STAT4: variants seen among roughly 807,000 people sequenced by gnomAD.
STAT4 encodes the protein signal transducer and activator of transcription 4.
A neutral mutation model predicts 110.5 loss-of-function variants in STAT4; 42 were observed. The observed-to-expected ratio is 0.38, with a 90% CI of 0.30 to 0.49. STAT4 has a LOEUF of 0.49. Among genes scored for constraint, STAT4 ranks in the 20% least tolerant of loss-of-function variants. STAT4 has a pLI of 0.95. For synonymous variants in STAT4, 284 were observed against 302.2 expected (o/e 0.94, Z 0.63); for missense variants, 632 against 887.9 (o/e 0.71, Z 3.66).
intron 3 of STAT4, among the ~76,000 whole-genome samples, chr2:191,136,819 C>T (rs747765449): frequency 1.3e-5 from 2 of 152,030 alleles, no homozygotes; most frequent in Non-Finnish European, 2.9e-5. Flanking sequence ...CCTAAAGAGT[C>T]CACCAAAAAT....
chr2:191,100,251 G>A (rs1698116418), intron 3 of STAT4, among the ~76,000 whole-genome samples: 1 of 152,124 alleles, frequency 6.6e-6, no homozygotes. Context: ...AAGTCTATTT[G>A]AACTATGTGG....
intron 3 of STAT4, among the ~76,000 whole-genome samples, chr2:191,133,678 CT>C (rs1218457274): frequency 6.6e-6 from 1 of 150,590 alleles, no homozygotes; most frequent in East Asian, 1.9e-4. Context: ...TTTTATTTTT[CT>C]TAAGTCATTC....
At chr2:191,048,979 A>G (rs1185682342) in intron 14 of STAT4, among the ~76,000 whole-genome samples, 2 of 151,654 alleles carry the variant, frequency 1.3e-5, no homozygotes, top group African/African-American at 4.8e-5. Flanking sequence ...AAAGAAAAAT[A>G]CCCATTGGAA....
rs963327107 is a variant in STAT4 at position 191,144,057 on chromosome 2, T to C, written c.273+2556A>G. Among the ~76,000 whole-genome samples, 1 of 152,226 alleles carries C rather than the reference T, an allele frequency of 6.6e-6. No individual in the cohort carries two copies. The highest frequency in any genetic ancestry group is 1.5e-5 in the Non-Finnish European group (1 of 68,048). ...GCACAAGAAAGAGCAAGTGTTTTTT[T>C]CAACTCAAATATCTTAATTCACCAA... On this transcript the variant is annotated intron_variant, in intron 3 of 23. Coordinates refer to ENST00000392320, the MANE Select transcript of STAT4 (RefSeq NM_003151.4). This position sits in a 1 kb window ranked among gnomAD's most constrained non-coding sequence, Gnocchi z 4.7.
rs1193228848 is a variant in STAT4 at position 191,058,268 on chromosome 2, G to A, written c.1095-49C>T. 8.0e-6 allele frequency: 12 copies of A among 1,506,350 alleles called. No homozygotes were observed. The highest frequency in any genetic ancestry group is 1.1e-5 in the Non-Finnish European group (12 of 1,094,970). 93.3% of individuals were successfully genotyped at this position (1,506,350 alleles called of 1,614,324 possible). On this transcript the variant is annotated intron_variant, in intron 11 of 23. Coordinates refer to ENST00000392320, the MANE Select transcript of STAT4 (RefSeq NM_003151.4). This position sits in a 1 kb window ranked among gnomAD's most constrained non-coding sequence, Gnocchi z 4.3. ...AAAACAAGCTATTTAATAGATCTAGGAATAACTTTCTATGATAGTTTATTT... is the reference window on the plus strand; with the variant it reads ...AAAACAAGCTATTTAATAGATCTAGAAATAACTTTCTATGATAGTTTATTT...
At chr2:191,100,652 C>A (rs1698126217) in intron 3 of STAT4, among the ~76,000 whole-genome samples, 1 of 152,054 alleles carries the variant, frequency 6.6e-6, no homozygotes, top group Non-Finnish European at 1.5e-5. Flanking sequence ...TTGTCTCATC[C>A]CCTCAGTACC....
chr2:191,055,787 T>C (rs1696673269), intron 13 of STAT4, among the ~76,000 whole-genome samples: 1 of 152,256 alleles, frequency 6.6e-6, no homozygotes, highest in South Asian at 2.1e-4. Flanking sequence ...ATATTGTACC[T>C]GCTGAAATAA....
chr2:191,115,974 A>T (rs996682228), intron 3 of STAT4, among the ~76,000 whole-genome samples: 2 of 152,194 alleles, frequency 1.3e-5, no homozygotes, highest in African/African-American at 4.8e-5. Flanking sequence ...TCTATTCTAC[A>T]TTACTGCTTA....
rs1055931293 is a variant in STAT4 at position 191,059,041 on chromosome 2, G to A, written c.1035-272C>T. 3.3e-5 allele frequency among the ~76,000 whole-genome samples: 5 copies of A among 151,586 alleles called. No individual in the cohort carries two copies. The highest frequency in any genetic ancestry group is 7.4e-5 in the Non-Finnish European group (5 of 67,926). On this transcript the variant is annotated intron_variant, in intron 10 of 23. Coordinates refer to ENST00000392320, the MANE Select transcript of STAT4 (RefSeq NM_003151.4). This position sits in a 1 kb window ranked among gnomAD's most constrained non-coding sequence, Gnocchi z 4.7. The stretch of plus-strand genomic sequence containing the variant: ...TCAGTTGATGTTTGCTGGATAATAC[G>A]TTGGCCAGGTCAGAAAAAAAAAAGC...
In STAT4 at chr2:191,048,513, C is replaced by T. The variant is rs6743950; in HGVS notation, c.1251+5977G>A. Reference sequence around the variant, plus strand: ...CATTAGGGCCGGGCACAGTGGCTCACGCCTGTAATCCCAGCACTTTGGGAG... The same window carrying T: ...CATTAGGGCCGGGCACAGTGGCTCATGCCTGTAATCCCAGCACTTTGGGAG... On this transcript the variant is annotated intron_variant, in intron 14 of 23. Transcript: ENST00000392320. 8.7e-3 allele frequency among the ~76,000 whole-genome samples: 1,320 copies of T among 151,786 alleles called. 14 individuals carry two copies. Among genetic ancestry groups the T allele is most frequent in the East Asian group, 0.063 (325 of 5,156 alleles).
chr2:191,120,601 A>G (rs115560067), intron 3 of STAT4, among the ~76,000 whole-genome samples: 1,646 of 152,204 alleles, frequency 0.011, 26 homozygotes, highest in African/African-American at 0.034. Flanking sequence ...ACATTGGTCT[A>G]TATCTCTGTT....
Position 191,109,308 on chromosome 2 carries a change from GT to G in STAT4, c.274-32984del, listed in dbSNP as rs138988001. 9.5e-5 allele frequency among the ~76,000 whole-genome samples: 14 copies of G among 147,160 alleles called. No homozygotes were observed. In the South Asian group the frequency reaches 1.3e-3, roughly 14 times the overall value. ...GTTTTTTTGTTTTGTTTTGTTTTTT[GT>G]TTTTTTTTTAAAGACAAGTGGGGAA... On this transcript the variant is annotated intron_variant, in intron 3 of 23. Transcript: ENST00000392320.
At chr2:191,125,554 C>T (rs1365686659) in intron 3 of STAT4, among the ~76,000 whole-genome samples, 1 of 150,648 alleles carries the variant, frequency 6.6e-6, no homozygotes, top group African/African-American at 2.4e-5. Context: ...GTGGTGCAAT[C>T]GTAACTTGCT....
At position 191,086,301 on chromosome 2, in the gene STAT4, C is replaced by A. The variant is rs1697634136; in HGVS notation, c.274-9976G>T. Among the ~76,000 whole-genome samples the A allele has an allele frequency of 6.6e-6, 1 of 152,186 alleles. No individual in the cohort carries two copies. Among genetic ancestry groups the A allele is most frequent in the African/African-American group, 2.4e-5 (1 of 41,532 alleles). On this transcript the variant is annotated intron_variant, in intron 3 of 23. Transcript: ENST00000392320. This position sits in a 1 kb window ranked among gnomAD's most constrained non-coding sequence, Gnocchi z 5.5. Reference sequence around the variant, plus strand: ...GTCACTTTCTGACAGGCCCGGGAACCTCATAGGACCTCAAGAAGAGAGGAA... The same window carrying A: ...GTCACTTTCTGACAGGCCCGGGAACATCATAGGACCTCAAGAAGAGAGGAA...
rs536280190 is a variant in STAT4, at chr2:191,062,170, T to C, written c.942-349A>G. ...CCTGAGCTCAAGTGATCCTCCTGCC[T>C]TGGCCTCCTGAGTATCTAGGACTAT... On this transcript the variant is annotated intron_variant, in intron 9 of 23. Transcript: ENST00000392320. This position sits in a 1 kb window ranked among gnomAD's most constrained non-coding sequence, Gnocchi z 4.9. 1.4e-4 allele frequency among the ~76,000 whole-genome samples: 22 copies of C among 152,266 alleles called. No individual in the cohort carries two copies. The highest frequency in any genetic ancestry group is 3.9e-4 in the African/African-American group (16 of 41,552).
Position 191,099,230 on chromosome 2 carries a change from A to T in STAT4, c.274-22905T>A, listed in dbSNP as rs1698092386. ...ATGATAATATCTATTGTTAATGAAGATATGGGGATGAGGGTCCTAGTACAC... is the reference window on the plus strand; with the variant it reads ...ATGATAATATCTATTGTTAATGAAGTTATGGGGATGAGGGTCCTAGTACAC... On this transcript the variant is annotated intron_variant, in intron 3 of 23. Transcript: ENST00000392320. This position sits in a 1 kb window ranked among gnomAD's most constrained non-coding sequence, Gnocchi z 4.1. 6.6e-6 allele frequency among the ~76,000 whole-genome samples: 1 copy of T among 152,124 alleles called. No homozygotes were observed. Among genetic ancestry groups the T allele is most frequent in the South Asian group, 2.1e-4 (1 of 4,830 alleles).
In STAT4 at chr2:191,033,825, T is replaced by A. The variant is rs780321049; in HGVS notation, c.1715+86A>T. ...TTTTTTTCTGTGGTACTAAACATGCTTAAGAGAAAAAGAAAGAAGAAAACC... is the reference window on the plus strand; with the variant it reads ...TTTTTTTCTGTGGTACTAAACATGCATAAGAGAAAAAGAAAGAAGAAAACC... On this transcript the variant is annotated intron_variant, in intron 19 of 23. Transcript: ENST00000392320. This position sits in a 1 kb window ranked among gnomAD's most constrained non-coding sequence, Gnocchi z 6.9. 48 of 1,392,404 alleles carry A rather than the reference T, an allele frequency of 3.4e-5. No homozygotes were observed. Among genetic ancestry groups the A allele is most frequent in the Non-Finnish European group, 4.4e-5 (45 of 1,017,682 alleles). 86.3% of individuals were successfully genotyped at this position (1,392,404 alleles called of 1,614,324 possible).
In STAT4 at chr2:191,051,659, T is replaced by G. The variant is rs564342003; in HGVS notation, c.1251+2831A>C. Among the ~76,000 whole-genome samples, 7 of 152,224 alleles carry G rather than the reference T, an allele frequency of 4.6e-5. No homozygotes were observed. The South Asian group carries it at 1.5e-3, about 32-fold the overall frequency. ...ATGATTTCGGAGCAGGTGGGTGAGGTGCAGACACTCTGTGAGATAGATGGG... is the reference window on the plus strand; with the variant it reads ...ATGATTTCGGAGCAGGTGGGTGAGGGGCAGACACTCTGTGAGATAGATGGG... On this transcript the variant is annotated intron_variant, in intron 14 of 23. Coordinates refer to ENST00000392320, the MANE Select transcript of STAT4 (RefSeq NM_003151.4). This position sits in a 1 kb window ranked among gnomAD's most constrained non-coding sequence, Gnocchi z 5.6.
In STAT4 at chr2:191,037,038, C is replaced by T. The variant is rs1024237880; in HGVS notation, c.1435-739G>A. 2.6e-5 allele frequency among the ~76,000 whole-genome samples: 4 copies of T among 152,202 alleles called. No individual in the cohort carries two copies. Among genetic ancestry groups the T allele is most frequent in the Non-Finnish European group, 5.9e-5 (4 of 68,038 alleles). ...ATCGCTTGACATCTCTTTAACTTTT[C>T]CGTATCAGTCTACTCATGCAAGAAC... On this transcript the variant is annotated intron_variant, in intron 16 of 23. Coordinates refer to ENST00000392320, the MANE Select transcript of STAT4 (RefSeq NM_003151.4). The surrounding 1 kb of genome is among the most constrained non-coding windows in gnomAD (Gnocchi z 4.8).
Sources: allele counts gnomAD v4.1 joint callset (sites outside exome capture counted in the v4.1 genomes callset), GRCh38; gene constraint gnomAD v4.1.1; non-coding constraint Gnocchi (gnomAD v3.1); transcripts MANE v1.5; gene names NCBI Gene and HGNC (gene_info 2026-07-23, HGNC 2026-07-21).